The following PLCB4 variants were observed in gnomAD, a reference collection of about 807,000 sequenced individuals.
PLCB4 encodes 1-phosphatidylinositol 4,5-bisphosphate phosphodiesterase beta-4.
In PLCB4, 77 loss-of-function variants were observed where a neutral mutation model predicts 178.8. The ratio of observed to expected loss-of-function variants is 0.43; its 90% CI spans 0.36 to 0.52. The LOEUF is 0.52. Among genes scored for constraint, PLCB4 ranks in the 20% least tolerant of loss-of-function variants. The probability of loss-of-function intolerance (pLI) is 0.00; values close to 1 mark genes in which losing one functional copy is unlikely to be tolerated. For synonymous variants in PLCB4, 496 were observed against 490.8 expected (o/e 1.01, Z -0.14); for missense variants, 1,024 against 1,453.4 (o/e 0.70, Z 4.80).
At chr20:9,134,689 A>G (rs2092346218) in intron 2 of PLCB4, among the ~76,000 whole-genome samples, 1 of 152,142 alleles carries the variant, frequency 6.6e-6, no homozygotes, top group Admixed American at 6.6e-5. Flanking sequence ...GATCCCAGAA[A>G]GTCCTTCTCA....
intron 15 of PLCB4, among the ~76,000 whole-genome samples, chr20:9,389,138 G>A (rs967983807): frequency 3.3e-5 from 5 of 152,022 alleles, no homozygotes; most frequent in Non-Finnish European, 2.9e-5. Flanking sequence ...GCAGAGACGG[G>A]GCCAACCATC....
chr20:9,330,261 G>C (rs1419948509), intron 4 of PLCB4, among the ~76,000 whole-genome samples: 1 of 151,720 alleles, frequency 6.6e-6, no homozygotes, highest in Non-Finnish European at 1.5e-5. Flanking sequence ...TCTCTTTGGT[G>C]GTAGTCACGC....
chr20:9,114,628 AG>A (rs1433556460), intron 2 of PLCB4, among the ~76,000 whole-genome samples: 2 of 152,162 alleles, frequency 1.3e-5, no homozygotes, highest in African/African-American at 2.4e-5. Context: ...GGGATTAATC[AG>A]GGGAGGAAGA....
intron 9 of PLCB4, 106 bp from the exon 10 acceptor site, chr20:9,371,108 T>G: frequency 1.3e-6 from 1 of 756,102 alleles, no homozygotes; most frequent in Non-Finnish European, 2.4e-6. Context: ...ATTCTCCTCT[T>G]CCTTTTACCC....
chr20:9,378,559 C>T (rs1304785356), intron 12 of PLCB4, among the ~76,000 whole-genome samples: 1 of 152,130 alleles, frequency 6.6e-6, no homozygotes, highest in African/African-American at 2.4e-5. Flanking sequence ...CTTCACTTGC[C>T]TGGCATTCCA....
At chr20:9,106,855 A>G (rs2091383313) in intron 2 of PLCB4, among the ~76,000 whole-genome samples, 6 of 152,320 alleles carry the variant, frequency 3.9e-5, no homozygotes, top group African/African-American at 1.2e-4. Flanking sequence ...AAGATTATTT[A>G]TCCTAACATC....
intron 2 of PLCB4, among the ~76,000 whole-genome samples, chr20:9,167,301 G>A (rs1323440672): frequency 6.6e-6 from 1 of 151,920 alleles, no homozygotes; most frequent in African/African-American, 2.4e-5. Context: ...TACTTTCTGT[G>A]AATACTTAAA....
chr20:9,230,770 A>G (rs577190755), intron 3 of PLCB4, among the ~76,000 whole-genome samples: 25 of 152,052 alleles, frequency 1.6e-4, no homozygotes, highest in African/African-American at 6.0e-4. Context: ...TTTCCTGCAG[A>G]GTAGTTTGGG....
chr20:9,310,668 C>T (rs1324592798), intron 4 of PLCB4, among the ~76,000 whole-genome samples: 4 of 152,006 alleles, frequency 2.6e-5, no homozygotes, highest in South Asian at 2.1e-4. Flanking sequence ...GCCAAGATCA[C>T]GCCCCCACAC....
chr20:9,135,679 A>G (rs1285796639), intron 2 of PLCB4, among the ~76,000 whole-genome samples: 2 of 152,152 alleles, frequency 1.3e-5, no homozygotes, highest in African/African-American at 4.8e-5. Flanking sequence ...TATGCTGTCA[A>G]ACCTAGAAAA....
At chr20:9,185,623 T>G (rs1274771144) in intron 2 of PLCB4, among the ~76,000 whole-genome samples, 1 of 152,138 alleles carries the variant, frequency 6.6e-6, no homozygotes, top group African/African-American at 2.4e-5. Context: ...TGAGCCTCCC[T>G]GCTCAGAGCC....
intron 30 of PLCB4, among the ~76,000 whole-genome samples, chr20:9,441,751 C>T (rs1291302270): frequency 6.6e-6 from 1 of 152,040 alleles, no homozygotes; most frequent in Non-Finnish European, 1.5e-5. Flanking sequence ...CAGACGCTGG[C>T]AATTGGAAGT....
At chr20:9,262,330 AGT>A (rs952864583) in intron 3 of PLCB4, among the ~76,000 whole-genome samples, 8 of 152,098 alleles carry the variant, frequency 5.3e-5, no homozygotes, top group South Asian at 4.2e-4. Context: ...TGAGTGAGTG[AGT>A]GAGAGAGAGA....
At chr20:9,254,753 AT>A (rs1371328263) in intron 3 of PLCB4, among the ~76,000 whole-genome samples, 1 of 152,182 alleles carries the variant, frequency 6.6e-6, no homozygotes, top group African/African-American at 2.4e-5. Context: ...ATTCTCTAAT[AT>A]TTATATTGCA....
chr20:9,314,355 C>T (rs2094874452), intron 4 of PLCB4, among the ~76,000 whole-genome samples: 1 of 152,084 alleles, frequency 6.6e-6, no homozygotes, highest in African/African-American at 2.4e-5. Context: ...GCTTGAAGGA[C>T]TTAATGGACA....
Position 9,421,293 on chromosome 20 carries a change from A to G in PLCB4, c.2155-4A>G, listed in dbSNP as rs6056609. The G allele has an allele frequency of 0.051, 81,491 of 1,603,224 alleles. 3,769 individuals are homozygous for G. Among genetic ancestry groups the G allele is most frequent in the East Asian group, 0.21 (9,267 of 44,556 alleles). ...TCTCTTTGCTCTCGTTCGTGCTGCT[A>G]CAGGTTATATCAGGTCAATTCTTAT... On this transcript the variant is annotated splice_region_variant and splice_polypyrimidine_tract_variant and intron_variant, in intron 26 of 39. Transcript: ENST00000378473.
At position 9,137,645 on chromosome 20, in the gene PLCB4, A is replaced by G. The variant is rs186122220; in HGVS notation, c.-79+41303A>G. ...GGATCTATCCATCTGGAAATTTCAG[A>G]GATTTCTCTCATGTGTGCTAATTTT... On this transcript the variant is annotated intron_variant, in intron 2 of 39. Transcript: ENST00000378473. 2.3e-3 allele frequency among the ~76,000 whole-genome samples: 349 copies of G among 151,760 alleles called. 1 individual carries two copies. The highest frequency in any genetic ancestry group is 3.8e-3 in the Admixed American group (58 of 15,280).
At chr20:9,327,786 T>A (rs1017640182) in intron 4 of PLCB4, among the ~76,000 whole-genome samples, 1 of 151,622 alleles carries the variant, frequency 6.6e-6, no homozygotes, top group Non-Finnish European at 1.5e-5. Context: ...GAAAAAAAAA[T>A]AATAATAAAA....
chr20:9,389,815 T>G, intron 15 of PLCB4, 64 bp from the exon 16 acceptor site: 1 of 815,852 alleles, frequency 1.2e-6, no homozygotes, highest in Non-Finnish European at 2.1e-6. Flanking sequence ...AGTCTCTGAA[T>G]AGTTTTGGGT....
Sources: gnomAD v4.1 joint callset for allele counts (sites outside exome capture counted in the v4.1 genomes callset) on GRCh38, gnomAD v4.1.1 for gene constraint, MANE v1.5 for transcripts, NCBI Gene and HGNC (gene_info 2026-07-23, HGNC 2026-07-21) for gene names.